RGS12: variants seen among roughly 807,000 people sequenced by gnomAD.
The protein encoded by RGS12 is regulator of G-protein signaling 12.
A neutral mutation model predicts 120.1 loss-of-function variants in RGS12; 66 were observed. That is an observed-to-expected ratio of 0.55 (90% confidence interval 0.45 to 0.67). The LOEUF is 0.67. RGS12 is among the 30% of genes least tolerant of loss of function. The probability of loss-of-function intolerance (pLI) is 0.00; values close to 1 mark genes in which losing one functional copy is unlikely to be tolerated. For missense variants in RGS12, 1,859 were observed against 1,957.7 expected, an observed-to-expected ratio of 0.95 and a Z score of 0.95; for synonymous variants, 827 against 804.7, an observed-to-expected ratio of 1.03 and a Z score of -0.47.
chr4:3,414,940 ATGTGAGGGGTGTG>A (rs1275672922), intron 6 of RGS12, 96 bp downstream of exon 6: 1 of 714,020 alleles, frequency 1.4e-6, no homozygotes, highest in Non-Finnish European at 2.3e-6. Flanking sequence ...TGTGAGGGGC[ATGTGAGGGGTGTG>A]TGTGAGGGGC....
Position 3,417,181 on chromosome 4 carries a change from C to T in RGS12, c.2607+89C>T, listed in dbSNP as rs761642743. On this transcript the variant is annotated intron_variant, in intron 8 of 17. Transcript: ENST00000336727. The stretch of plus-strand genomic sequence containing the variant: ...TGTGGGGAGTGAAAAGAGGCCCTGT[C>T]GGCGTCTTCACCAGTGGTGGGTGAC... The T allele has an allele frequency of 1.6e-4, 218 of 1,402,654 alleles. 1 individual carries two copies. Among genetic ancestry groups the T allele is most frequent in the African/African-American group, 1.2e-3 (80 of 69,096 alleles). The allele number at this position is 1,402,654 out of a possible 1,614,324, so 86.9% of individuals were successfully genotyped here. A position where few individuals can be genotyped will look rare whatever the true frequency, so the allele number is the denominator to read the frequency against.
intron 17 of RGS12, among the ~76,000 whole-genome samples, chr4:3,438,964 G>A (rs895899834): frequency 6.6e-6 from 1 of 152,086 alleles, no homozygotes; most frequent in African/African-American, 2.4e-5. Context: ...TGGCAGGGTG[G>A]GATGGGGCAG....
chr4:3,343,710 C>T (rs896540507), intron 3 of RGS12, among the ~76,000 whole-genome samples: 11 of 152,032 alleles, frequency 7.2e-5, no homozygotes, highest in African/African-American at 2.4e-4. Context: ...TGTGTATCAC[C>T]GAGAAAGCCG....
chr4:3,430,597 G>A lies in RGS12; in HGVS notation c.3756G>A (p.Glu1252=). ...SKRSATGNGR[E]SASQPGEQWE... The stretch of plus-strand genomic sequence containing the variant: ...GAAGCGCCACAGGCAACGGCCGGGA[G>A]AGCGCCTCCCAGCCTGGCGAGCAGT... The change falls in exon 17 of 18, where the codon GAG becomes GAA. Residue 1252 remains glutamate, a synonymous_variant. Transcript: ENST00000336727. 6.2e-7 allele frequency: 1 copy of A among 1,612,270 alleles called. No individual in the cohort carries two copies. Among genetic ancestry groups the A allele is most frequent in the Non-Finnish European group, 8.5e-7 (1 of 1,179,694 alleles).
intron 3 of RGS12, among the ~76,000 whole-genome samples, chr4:3,347,304 C>T (rs1451954941): frequency 7.9e-5 from 12 of 151,930 alleles, no homozygotes; most frequent in Non-Finnish European, 4.4e-5. Flanking sequence ...ATTAGCCGGG[C>T]GTGGTGGTGG....
chr4:3,411,312 C>T (rs1254535832), intron 4 of RGS12, among the ~76,000 whole-genome samples: 9 of 151,560 alleles, frequency 5.9e-5, no homozygotes, highest in South Asian at 2.1e-4. Context: ...CCTGCGTGTT[C>T]GGGATTGTGG....
chr4:3,292,775 A>G (rs1481156862), upstream of RGS12, among the ~76,000 whole-genome samples: 1 of 152,020 alleles, frequency 6.6e-6, no homozygotes, highest in Non-Finnish European at 1.5e-5. Context: ...CGCGCCCCCA[A>G]CGGAAGTCCC....
intron 4 of RGS12, among the ~76,000 whole-genome samples, chr4:3,405,922 C>G (rs981212183): frequency 6.6e-6 from 1 of 151,662 alleles, no homozygotes; most frequent in South Asian, 2.1e-4. Context: ...AGTTGCCCCC[C>G]CAAAAAGGAT....
At chr4:3,325,260 A>G (rs925452935) in intron 2 of RGS12, among the ~76,000 whole-genome samples, 37 of 152,360 alleles carry the variant, frequency 2.4e-4, no homozygotes, top group African/African-American at 6.5e-4. Context: ...CATAAAATCA[A>G]TTAGTAAATT....
intron 1 of RGS12, among the ~76,000 whole-genome samples, chr4:3,302,715 G>A (rs955169439): frequency 2.0e-5 from 3 of 152,222 alleles, no homozygotes; most frequent in Non-Finnish European, 4.4e-5. Context: ...CAGCCGGAGT[G>A]TGGGGCCCCT....
At position 3,367,067 on chromosome 4, in the gene RGS12, C is replaced by A. The variant is rs1034518904; in HGVS notation, c.1999-19349C>A. 2.6e-5 allele frequency among the ~76,000 whole-genome samples: 4 copies of A among 152,328 alleles called. No homozygotes were observed. In the East Asian group the frequency reaches 7.7e-4, roughly 29 times the overall value. ...AACTCCTCCAATCTAGCCCTGCCCC[C>A]CTGCTCACCCTGGGTTTCCAGCTCA... On this transcript the variant is annotated intron_variant, in intron 3 of 17. Coordinates refer to ENST00000336727, the MANE Select transcript of RGS12 (RefSeq NM_001394154.1).
chr4:3,363,307 A>T (rs1715916589), intron 3 of RGS12, among the ~76,000 whole-genome samples: 1 of 152,178 alleles, frequency 6.6e-6, no homozygotes, highest in Non-Finnish European at 1.5e-5. Context: ...ATCGGCGATT[A>T]TAATTTTCTA....
intron 2 of RGS12, among the ~76,000 whole-genome samples, chr4:3,329,541 T>G (rs967247729): frequency 6.6e-6 from 1 of 152,200 alleles, no homozygotes; most frequent in African/African-American, 2.4e-5. Context: ...TACCCTGTGA[T>G]GTTGAAGCAA....
chr4:3,307,409 G>C (rs989214971), intron 1 of RGS12, among the ~76,000 whole-genome samples: 1 of 152,216 alleles, frequency 6.6e-6, no homozygotes, highest in African/African-American at 2.4e-5. Flanking sequence ...GTAGATTTTC[G>C]TAAAACTAGG....
At chr4:3,357,961 A>G (rs1715044883) in intron 3 of RGS12, among the ~76,000 whole-genome samples, 2 of 152,290 alleles carry the variant, frequency 1.3e-5, no homozygotes, top group Admixed American at 6.5e-5. Context: ...CATCTTAACT[A>G]TATCAAGTCT....
intron 3 of RGS12, among the ~76,000 whole-genome samples, chr4:3,350,554 C>T (rs1160875533): frequency 2.0e-5 from 3 of 152,036 alleles, no homozygotes; most frequent in African/African-American, 7.3e-5. Flanking sequence ...TGATGGTACA[C>T]ACCTGTAGTC....
chr4:3,305,566 A>G (rs1723930059), intron 1 of RGS12, among the ~76,000 whole-genome samples: 1 of 152,182 alleles, frequency 6.6e-6, no homozygotes, highest in Non-Finnish European at 1.5e-5. Context: ...AACCACAGCC[A>G]CGGTGCCATC....
chr4:3,343,722 C>T (rs1409988869), intron 3 of RGS12, among the ~76,000 whole-genome samples: 4 of 152,062 alleles, frequency 2.6e-5, no homozygotes, highest in Non-Finnish European at 2.9e-5. Flanking sequence ...AGAAAGCCGC[C>T]GCCCTGGAAA....
Position 3,389,974 on chromosome 4 carries a change from C to T in RGS12, c.2020+3537C>T, listed in dbSNP as rs1719310405. Among the ~76,000 whole-genome samples the T allele has an allele frequency of 1.3e-5, 2 of 152,186 alleles. No homozygotes were observed. Among genetic ancestry groups the T allele is most frequent in the Admixed American group, 1.3e-4 (2 of 15,284 alleles). ...GACCCCACTCTGTCCACTCAGCTGC[C>T]CCCCTACTCGTCCTCCATGCAGACC... On this transcript the variant is annotated intron_variant, in intron 4 of 17. Coordinates refer to ENST00000336727, the MANE Select transcript of RGS12 (RefSeq NM_001394154.1). The surrounding 1 kb of genome is among the most constrained non-coding windows in gnomAD (Gnocchi z 5.2).
Sources: gnomAD v4.1 joint callset for allele counts (sites outside exome capture counted in the v4.1 genomes callset) on GRCh38, gnomAD v4.1.1 for gene constraint, Gnocchi (gnomAD v3.1) non-coding constraint, MANE v1.5 for transcripts, NCBI Gene and HGNC (gene_info 2026-07-23, HGNC 2026-07-21) for gene names.